The following POPDC1 variants were observed in gnomAD, a reference collection of about 807,000 sequenced individuals.
POPDC1 encodes the protein popeye domain cAMP effector 1, also known as popeye domain-containing protein 1.
chr6:105,109,778 A>AAAAAAAAAAAAAAAAAAAAAAAAAAAAC, the POPDC1 span, among the ~76,000 whole-genome samples: 1 of 147,472 alleles, frequency 6.8e-6, no homozygotes, highest in Non-Finnish European at 1.5e-5. Flanking sequence ...AAAAAAAAAA[A>AAAAAAAAAAAAAAAAAAAAAAAAAAAAC]AAAAGATTAA....
chr6:105,132,224 CCA>C, the POPDC1 span, among the ~76,000 whole-genome samples: 1 of 152,196 alleles, frequency 6.6e-6, no homozygotes, highest in African/African-American at 2.4e-5. Context: ...CCTCGGCCTA[CCA>C]CAGTGCTGGG....
At chr6:105,103,151 G>A in the POPDC1 span, among the ~76,000 whole-genome samples, 3 of 152,130 alleles carry the variant, frequency 2.0e-5, no homozygotes, top group Non-Finnish European at 4.4e-5. Context: ...ACTTCTTTGT[G>A]CCTTAATTTC....
At chr6:105,105,897 G>A in the POPDC1 span, among the ~76,000 whole-genome samples, 1 of 152,136 alleles carries the variant, frequency 6.6e-6, no homozygotes, top group African/African-American at 2.4e-5. Context: ...TTACTGTAAG[G>A]TTCATGATCT....
chr6:105,125,715 G>C, the POPDC1 span: 5 of 811,514 alleles, frequency 6.2e-6, no homozygotes, highest in Non-Finnish European at 9.8e-6. Context: ...TAGGCCAATA[G>C]AATCTTACAC....
chr6:105,098,734 G>C, the POPDC1 span: 2 of 152,332 alleles, frequency 1.3e-5, no homozygotes, highest in Non-Finnish European at 2.9e-5. Context: ...AAGTGAGAGC[G>C]AGAGCGCACG....
At chr6:105,126,479 A>T in the POPDC1 span, among the ~76,000 whole-genome samples, 2 of 152,078 alleles carry the variant, frequency 1.3e-5, no homozygotes, top group Non-Finnish European at 2.9e-5. Context: ...AACTCAGAGC[A>T]TAAGGGGAAG....
the POPDC1 span, among the ~76,000 whole-genome samples, chr6:105,109,494 T>A: frequency 6.6e-6 from 1 of 151,726 alleles, no homozygotes; most frequent in African/African-American, 2.4e-5. Flanking sequence ...TCCCAGTACT[T>A]TGGGAGGCCA....
chr6:105,132,106 CA>C, the POPDC1 span, among the ~76,000 whole-genome samples: 1 of 151,916 alleles, frequency 6.6e-6, no homozygotes, highest in Non-Finnish European at 1.5e-5. Flanking sequence ...GTTGGGATTA[CA>C]AGTGCCTGCC....
At chr6:105,116,713 G>A in the POPDC1 span, 1 of 1,592,022 alleles carries the variant, frequency 6.3e-7, no homozygotes. Flanking sequence ...TATCATTTAA[G>A]GTGGGATCAT....
At chr6:105,099,287 C>T in the POPDC1 span, 1 of 152,308 alleles carries the variant, frequency 6.6e-6, no homozygotes, top group East Asian at 1.9e-4. Context: ...GAAATTACTA[C>T]AATAATTGCT....
At chr6:105,126,179 T>C in the POPDC1 span, among the ~76,000 whole-genome samples, 1 of 150,870 alleles carries the variant, frequency 6.6e-6, no homozygotes, top group African/African-American at 2.4e-5. Context: ...TGAGCTGAGA[T>C]TGCTCCATTG....
the POPDC1 span, among the ~76,000 whole-genome samples, chr6:105,118,368 G>C: frequency 1.4e-4 from 22 of 152,114 alleles, no homozygotes; most frequent in Non-Finnish European, 2.4e-4. Context: ...AAAAAAGCTT[G>C]TGTTTATTTA....
the POPDC1 span, among the ~76,000 whole-genome samples, chr6:105,130,314 C>T: frequency 3.9e-5 from 6 of 152,088 alleles, no homozygotes; most frequent in Non-Finnish European, 2.9e-5. Flanking sequence ...ATTTATTTAA[C>T]CATCCCCCTA....
At chr6:105,097,609 A>C in the POPDC1 span, 5 of 152,318 alleles carry the variant, frequency 3.3e-5, no homozygotes, top group East Asian at 7.7e-4. Flanking sequence ...AGATTTTTCC[A>C]GCAACCAAGT....
the POPDC1 span, among the ~76,000 whole-genome samples, chr6:105,126,482 A>C: frequency 6.6e-6 from 1 of 151,968 alleles, no homozygotes; most frequent in East Asian, 1.9e-4. Context: ...TCAGAGCATA[A>C]GGGGAAGATC....
chr6:105,126,870 T>C, the POPDC1 span, among the ~76,000 whole-genome samples: 13 of 152,330 alleles, frequency 8.5e-5, no homozygotes, highest in Non-Finnish European at 2.9e-5. Flanking sequence ...AGTTTTAGTG[T>C]AGAAGTTTCA....
At chr6:105,116,722 A>G in the POPDC1 span, 1 of 1,597,802 alleles carries the variant, frequency 6.3e-7, no homozygotes, top group Non-Finnish European at 8.5e-7. Context: ...AGGTGGGATC[A>G]TTCAATGAGT....
the POPDC1 span, chr6:105,100,226 T>G: frequency 6.6e-6 from 1 of 152,058 alleles, no homozygotes; most frequent in Non-Finnish European, 1.5e-5. Flanking sequence ...AAATATGGAA[T>G]AGGCCGGGCG....
the POPDC1 span, among the ~76,000 whole-genome samples, chr6:105,122,701 C>T: frequency 2.0e-5 from 3 of 152,168 alleles, no homozygotes; most frequent in African/African-American, 7.2e-5. Flanking sequence ...AAAAAGGTCA[C>T]AGCAAAGAAG....
Sources: gnomAD v4.1 joint callset for allele counts (sites outside exome capture counted in the v4.1 genomes callset) on GRCh38, gnomAD v4.1.1 for gene constraint, MANE v1.5 for transcripts, NCBI Gene and HGNC (gene_info 2026-07-23, HGNC 2026-07-21) for gene names.